Variants in SIK3 observed in about 807,000 individuals in gnomAD.
SIK3 encodes SIK family kinase 3.
A neutral mutation model predicts 144.2 loss-of-function variants in SIK3; 28 were observed. The observed-to-expected ratio is 0.19, with a 90% CI of 0.14 to 0.27. SIK3 has a LOEUF of 0.27. Ranked by LOEUF, SIK3 falls within the 10% of genes least tolerant of loss-of-function variation. SIK3 has a pLI of 1.00. For missense variants in SIK3, 1,319 were observed against 1,776.0 expected, an observed-to-expected ratio of 0.74 and a Z score of 4.62; for synonymous variants, 686 against 676.3, an observed-to-expected ratio of 1.01 and a Z score of -0.22.
chr11:117,023,621 A>AAAAAAAAAAATATATATATATAT (rs754624841), intron 1 of SIK3, among the ~76,000 whole-genome samples: 1 of 95,416 alleles, frequency 1.0e-5, no homozygotes, highest in East Asian at 3.1e-4. Flanking sequence ...AAAAAAAAAA[A>AAAAAAAAAAATATATATATATAT]ATATATATAT....
intron 1 of SIK3, among the ~76,000 whole-genome samples, chr11:117,084,787 GT>G (rs1398317270): frequency 6.6e-6 from 1 of 152,096 alleles, no homozygotes; most frequent in Non-Finnish European, 1.5e-5. Flanking sequence ...CTGGGAAGGA[GT>G]CATAAAAATC....
At chr11:116,968,337 T>C (rs542799660) in intron 1 of SIK3, among the ~76,000 whole-genome samples, 1 of 152,218 alleles carries the variant, frequency 6.6e-6, no homozygotes, top group Admixed American at 6.5e-5. Flanking sequence ...AGAGATGGGG[T>C]TTCACCATGC....
At chr11:116,913,779 A>G (rs1051179178) in intron 4 of SIK3, among the ~76,000 whole-genome samples, 6 of 152,138 alleles carry the variant, frequency 3.9e-5, no homozygotes, top group African/African-American at 1.2e-4. Context: ...AGGATGAATC[A>G]GTGTCCCCTT....
chr11:117,060,575 T>A (rs1054326081), intron 1 of SIK3, among the ~76,000 whole-genome samples: 1 of 141,674 alleles, frequency 7.1e-6, no homozygotes, highest in Non-Finnish European at 1.5e-5. Flanking sequence ...CCAGCCTGGA[T>A]GACAAGAGCA....
Position 117,077,401 on chromosome 11 carries a change from T to C in SIK3, c.273+20742A>G, listed in dbSNP as rs936648371. Among the ~76,000 whole-genome samples the C allele has an allele frequency of 2.6e-5, 4 of 152,220 alleles. No individual in the cohort carries two copies. The East Asian group carries it at 7.7e-4, about 29-fold the overall frequency. Reference sequence around the variant, plus strand: ...CCTCAATGGAATACATAATGAAATGTTGGGTTACTTTAGGGCAAAAGGTTA... The same window carrying C: ...CCTCAATGGAATACATAATGAAATGCTGGGTTACTTTAGGGCAAAAGGTTA... On this transcript the variant is annotated intron_variant, in intron 1 of 24. Transcript: ENST00000445177.
At chr11:116,857,542 T>C in intron 21 of SIK3, 3 of 454,460 alleles carry the variant, frequency 6.6e-6, no homozygotes, top group Middle Eastern at 6.0e-4. Context: ...AATTTCTGGA[T>C]TCCAAGAAAC....
chr11:117,070,101 A>C (rs1954197172), intron 1 of SIK3, among the ~76,000 whole-genome samples: 1 of 152,218 alleles, frequency 6.6e-6, no homozygotes, highest in Admixed American at 6.5e-5. Flanking sequence ...CATGAAATGC[A>C]TCCCTCATTA....
At chr11:116,854,542 G>A (rs575424443) in intron 21 of SIK3, among the ~76,000 whole-genome samples, 1 of 152,262 alleles carries the variant, frequency 6.6e-6, no homozygotes, top group Admixed American at 6.5e-5. Context: ...GCTCCCTGAG[G>A]ACAGGTTATC....
chr11:116,852,455 T>C (rs583219), intron 21 of SIK3, among the ~76,000 whole-genome samples: 27,553 of 152,094 alleles, frequency 0.18, 5,300 homozygotes, highest in African/African-American at 0.49. Context: ...TGAGCACAAG[T>C]TCTGGGGTCA....
chr11:116,887,226 G>A lies in SIK3; in HGVS notation c.865+9027C>T, dbSNP rs540611835. On this transcript the variant is annotated intron_variant, in intron 6 of 24. Coordinates refer to ENST00000445177, the MANE Select transcript of SIK3 (RefSeq NM_001366686.3). ...TCAAGACCAGCCTGGGCAACATGAT[G>A]AAAATCTTGTCTCTACACTAAAAAA... Among the ~76,000 whole-genome samples, 309 of 119,924 alleles carry A rather than the reference G, an allele frequency of 2.6e-3. 6 individuals carry two copies. In the Admixed American group the frequency reaches 0.026, roughly 10 times the overall value. The allele number at this position is 119,924 out of a possible 152,430, so 78.7% of individuals were successfully genotyped here.
At chr11:116,892,203 C>G (rs914245556) in intron 6 of SIK3, among the ~76,000 whole-genome samples, 1 of 152,006 alleles carries the variant, frequency 6.6e-6, no homozygotes, top group African/African-American at 2.4e-5. Flanking sequence ...AACATGGCTC[C>G]AGAAAGATGT....
At chr11:117,058,991 T>A (rs1953679329) in intron 1 of SIK3, among the ~76,000 whole-genome samples, 1 of 152,222 alleles carries the variant, frequency 6.6e-6, no homozygotes, top group South Asian at 2.1e-4. Context: ...GATAAAGTGA[T>A]GCCAGGAAGA....
chr11:116,937,304 T>G (rs550895169), intron 3 of SIK3, among the ~76,000 whole-genome samples: 1 of 152,362 alleles, frequency 6.6e-6, no homozygotes, highest in Non-Finnish European at 1.5e-5. Flanking sequence ...AAATGGTTAC[T>G]TACGGAAAAG....
chr11:116,966,044 A>G (rs1433809406), intron 1 of SIK3, among the ~76,000 whole-genome samples: 2 of 151,996 alleles, frequency 1.3e-5, no homozygotes, highest in African/African-American at 4.8e-5. Context: ...AGTATTAGGG[A>G]TCTGGGGAAG....
chr11:116,927,882 T>G (rs988820470), intron 3 of SIK3, among the ~76,000 whole-genome samples: 2 of 152,238 alleles, frequency 1.3e-5, no homozygotes, highest in African/African-American at 4.8e-5. Flanking sequence ...TAGGTTACTA[T>G]CTTTCTGCTT....
chr11:117,010,442 T>C lies in SIK3; in HGVS notation c.274-53378A>G, dbSNP rs142877204. Among the ~76,000 whole-genome samples, 785 of 152,226 alleles carry C rather than the reference T, an allele frequency of 5.2e-3. 11 individuals are homozygous for C. Among genetic ancestry groups the C allele is most frequent in the Middle Eastern group, 0.024 (7 of 294 alleles). On this transcript the variant is annotated intron_variant, in intron 1 of 24. Transcript: ENST00000445177. The stretch of plus-strand genomic sequence containing the variant: ...GGAGGACTAGGATGCTGTGTTCTCA[T>C]GGGTATTGGGGGTGACCAGTACAAG...
chr11:116,875,416 A>G lies in SIK3; in HGVS notation c.1275T>C (p.Val425=). The part of the protein sequence containing the change: ...EQAGTAMNIS[V]PQVQLINPEN... Reference sequence around the variant, plus strand: ...CTGGGTTGATCAGCTGCACCTGGGGAACGCTGATGTTCATAGCAGTACCTG... The same window carrying G: ...CTGGGTTGATCAGCTGCACCTGGGGGACGCTGATGTTCATAGCAGTACCTG... The change falls in exon 10 of 25, where the codon GTT becomes GTC. Residue 425 remains valine (V), a synonymous_variant. Coordinates refer to ENST00000445177, the MANE Select transcript of SIK3 (RefSeq NM_001366686.3). 1.2e-6 allele frequency: 2 copies of G among 1,614,222 alleles called. No individual in the cohort carries two copies. The highest frequency in any genetic ancestry group is 1.7e-6 in the Non-Finnish European group (2 of 1,180,034).
intron 1 of SIK3, among the ~76,000 whole-genome samples, chr11:117,097,687 C>A (rs1183348158): frequency 6.6e-6 from 1 of 152,078 alleles, no homozygotes; most frequent in African/African-American, 2.4e-5. Context: ...CGTCCTGGGT[C>A]CCCTTACAAG....
At chr11:116,949,277 C>T (rs1404862544) in intron 3 of SIK3, among the ~76,000 whole-genome samples, 1 of 152,216 alleles carries the variant, frequency 6.6e-6, no homozygotes, top group Non-Finnish European at 1.5e-5. Context: ...AATGTGATTC[C>T]TCTGGAACAG....
Sources: gnomAD v4.1 joint callset for allele counts (sites outside exome capture counted in the v4.1 genomes callset) on GRCh38, gnomAD v4.1.1 for gene constraint, MANE v1.5 for transcripts, NCBI Gene and HGNC (gene_info 2026-07-23, HGNC 2026-07-21) for gene names.